Variants in PLEKHG1 observed in about 807,000 individuals in gnomAD.
PLEKHG1 encodes the protein pleckstrin homology and RhoGEF domain containing G1.
In PLEKHG1, 44 loss-of-function variants were observed where a neutral mutation model predicts 100.8. The observed-to-expected ratio is 0.44, with a 90% confidence interval of 0.34 to 0.56. PLEKHG1 has a LOEUF of 0.56. Among genes scored for constraint, PLEKHG1 ranks in the 20% least tolerant of loss-of-function variants. The probability of loss-of-function intolerance (pLI) is 0.01; values close to 1 mark genes in which losing one functional copy is unlikely to be tolerated. For synonymous variants in PLEKHG1, 640 were observed against 662.5 expected, an observed-to-expected ratio of 0.97 and a Z score of 0.52; for missense variants, 1,545 against 1,720.9, an observed-to-expected ratio of 0.90 and a Z score of 1.81.
At chr6:150,775,022 A>G (rs1784892404) in intron 3 of PLEKHG1, among the ~76,000 whole-genome samples, 1 of 152,144 alleles carries the variant, frequency 6.6e-6, no homozygotes, top group East Asian at 1.9e-4. Flanking sequence ...GTTTTGGAAT[A>G]CAATTGAAAT....
chr6:150,674,122 G>A (rs994007942), intron 3 of PLEKHG1, among the ~76,000 whole-genome samples: 9 of 152,152 alleles, frequency 5.9e-5, no homozygotes, highest in African/African-American at 2.2e-4. Context: ...ATTAATCCCA[G>A]CTCCTCCACC....
At chr6:150,803,715 T>G (rs1400892772) in intron 6 of PLEKHG1, among the ~76,000 whole-genome samples, 4 of 152,234 alleles carry the variant, frequency 2.6e-5, no homozygotes, top group Non-Finnish European at 4.4e-5. Context: ...AAACCTTGAC[T>G]ACAGGAAAAT....
At chr6:150,623,347 G>A (rs1311357941) in intron 1 of PLEKHG1, among the ~76,000 whole-genome samples, 1 of 152,170 alleles carries the variant, frequency 6.6e-6, no homozygotes, top group Non-Finnish European at 1.5e-5. Flanking sequence ...CTTCAGTAGT[G>A]TTTTATGAGA....
In PLEKHG1 at chr6:150,612,055, C is replaced by G. The variant is rs185848344; in HGVS notation, c.-204+12038C>G. Among the ~76,000 whole-genome samples, 51 of 104,912 alleles carry G rather than the reference C, an allele frequency of 4.9e-4. 1 individual carries two copies. The highest frequency in any genetic ancestry group is 1.3e-3 in the African/African-American group (41 of 31,860). 68.8% of individuals were successfully genotyped at this position (104,912 alleles called of 152,430 possible). ...GCTTCCTGGTGTTGTTCCCCCCCCC[C>G]CCCCCTTTTCTAGTTCTTAGTTAAT... On this transcript the variant is annotated intron_variant, in intron 1 of 3. Transcript: ENST00000367326.
chr6:150,730,603 A>G (rs4869691), intron 1 of PLEKHG1, among the ~76,000 whole-genome samples: 91,536 of 152,002 alleles, frequency 0.6, 30,029 homozygotes, highest in Non-Finnish European at 0.75. Context: ...CACCCCTGTT[A>G]TAGAGAATAT....
chr6:150,808,676 C>T (rs1787291129), intron 7 of PLEKHG1, among the ~76,000 whole-genome samples: 1 of 152,110 alleles, frequency 6.6e-6, no homozygotes, highest in Admixed American at 6.5e-5. Context: ...TCGCTTGAAC[C>T]GGGAGGTGGA....
intron 1 of PLEKHG1, among the ~76,000 whole-genome samples, chr6:150,621,208 G>A (rs1777285723): frequency 6.6e-6 from 1 of 152,032 alleles, no homozygotes. Flanking sequence ...GGTTGGTGAG[G>A]GTCCAGCATT....
At chr6:150,722,087 T>TATATTA (rs2128610004) in intron 1 of PLEKHG1, among the ~76,000 whole-genome samples, 1 of 152,234 alleles carries the variant, frequency 6.6e-6, no homozygotes, top group Non-Finnish European at 1.5e-5. Flanking sequence ...TAACATTTTA[T>TATATTA]TATATATTCC....
Position 150,830,565 on chromosome 6 carries a change from G to A in PLEKHG1, c.1471-17G>A. The A allele has an allele frequency of 2.6e-6, 4 of 1,556,268 alleles. No homozygotes were observed. Among genetic ancestry groups the A allele is most frequent in the Admixed American group, 1.8e-5 (1 of 55,524 alleles). The stretch of plus-strand genomic sequence containing the variant: ...CATGGTGCTGTGATTCAGTTGATAT[G>A]TTTCCATCTTCCTCAGGTTTCTAGA... On this transcript the variant is annotated splice_polypyrimidine_tract_variant and intron_variant, in intron 14 of 15. Coordinates refer to ENST00000358517, the Ensembl canonical transcript of PLEKHG1.
At chr6:150,796,489 C>T (rs1786340586) in intron 5 of PLEKHG1, among the ~76,000 whole-genome samples, 1 of 152,128 alleles carries the variant, frequency 6.6e-6, no homozygotes, top group African/African-American at 2.4e-5. Context: ...AATGTATTAA[C>T]CATTTCAGTA....
intron 3 of PLEKHG1, among the ~76,000 whole-genome samples, chr6:150,769,501 G>A (rs1484549958): frequency 1.4e-5 from 2 of 140,350 alleles, no homozygotes; most frequent in Admixed American, 7.8e-5. Context: ...AGAATTGCTC[G>A]AACCCAGGAG....
intron 1 of PLEKHG1, among the ~76,000 whole-genome samples, chr6:150,627,880 A>G (rs1220430038): frequency 1.3e-5 from 2 of 152,204 alleles, no homozygotes; most frequent in African/African-American, 4.8e-5. Flanking sequence ...CCAAGATTAC[A>G]TAGATAATAA....
intron 1 of PLEKHG1, among the ~76,000 whole-genome samples, chr6:150,628,635 T>C (rs1378441999): frequency 1.3e-5 from 2 of 150,922 alleles, no homozygotes; most frequent in African/African-American, 2.4e-5. Context: ...TTAACTTGAC[T>C]TGAGTGAAAG....
At chr6:150,681,506 A>T (rs1332934133) in intron 3 of PLEKHG1, among the ~76,000 whole-genome samples, 1 of 151,732 alleles carries the variant, frequency 6.6e-6, no homozygotes, top group Non-Finnish European at 1.5e-5. Context: ...CTGTCTCAAA[A>T]AAAAAAAAAG....
chr6:150,665,691 G>A (rs1779370615), intron 3 of PLEKHG1, among the ~76,000 whole-genome samples: 1 of 149,706 alleles, frequency 6.7e-6, no homozygotes, highest in Non-Finnish European at 1.5e-5. Context: ...TGAGCAGGGG[G>A]ACTTTTTTTT....
intron 4 of PLEKHG1, among the ~76,000 whole-genome samples, chr6:150,794,521 G>C (rs1051788099): frequency 6.6e-6 from 1 of 152,062 alleles, no homozygotes; most frequent in African/African-American, 2.4e-5. Context: ...CAAAAAATTA[G>C]CTGGGTGTGA....
exon 16 of PLEKHG1, chr6:150,840,847 A>G: frequency 6.2e-7 from 1 of 1,613,754 alleles, no homozygotes; most frequent in Non-Finnish European, 8.5e-7. Flanking sequence ...AATATTGTCC[A>G]GTCTCTAAGG....
At chr6:150,653,739 C>A (rs1035350981) in intron 3 of PLEKHG1, among the ~76,000 whole-genome samples, 4 of 151,364 alleles carry the variant, frequency 2.6e-5, no homozygotes, top group Non-Finnish European at 5.9e-5. Flanking sequence ...CAGAGTGAGA[C>A]CCTATCGCAA....
At chr6:150,832,071 T>G in exon 15 of PLEKHG1, 1 of 1,614,110 alleles carries the variant, frequency 6.2e-7, no homozygotes, top group South Asian at 1.1e-5. Flanking sequence ...AGTCAGAAGA[T>G]TAAGAAGGCG....
Sources: gnomAD v4.1 joint callset for allele counts (sites outside exome capture counted in the v4.1 genomes callset) on GRCh38, gnomAD v4.1.1 for gene constraint, MANE v1.5 for transcripts, NCBI Gene and HGNC (gene_info 2026-07-23, HGNC 2026-07-21) for gene names.